ABTB2: variants seen among roughly 807,000 people sequenced by gnomAD.
ABTB2 encodes ankyrin repeat and BTB domain containing 2.
In ABTB2, 56 loss-of-function variants were observed where a neutral mutation model predicts 104.1. That is an observed-to-expected ratio of 0.54 (90% CI 0.43 to 0.67). The LOEUF (loss-of-function observed/expected upper bound fraction) is 0.67, where lower values mean the gene tolerates loss of function less well. Among genes scored for constraint, ABTB2 ranks in the 30% least tolerant of loss-of-function variants. The probability of loss-of-function intolerance (pLI) is 0.00; values close to 1 mark genes in which losing one functional copy is unlikely to be tolerated. For synonymous variants in ABTB2, 606 were observed against 608.2 expected, an observed-to-expected ratio of 1.00 and a Z score of 0.05; for missense variants, 1,279 against 1,407.7, an observed-to-expected ratio of 0.91 and a Z score of 1.46.
chr11:34,238,850 T>C (rs781592804), intron 1 of ABTB2, among the ~76,000 whole-genome samples: 18 of 151,936 alleles, frequency 1.2e-4, no homozygotes, highest in Non-Finnish European at 2.5e-4. Flanking sequence ...GCCTCCCGGG[T>C]TCATGCCATT....
At chr11:34,289,368 A>G (rs185211317) in intron 1 of ABTB2, among the ~76,000 whole-genome samples, 8 of 152,364 alleles carry the variant, frequency 5.3e-5, no homozygotes, top group Non-Finnish European at 2.9e-5. Context: ...CCCAACAGCC[A>G]TGGTTAATGC....
chr11:34,335,795 T>C lies in ABTB2; in HGVS notation c.883+20906A>G, dbSNP rs745625542. ...CCTATGATCCCAGGAAGCTTGAACC[T>C]CTGATCTTGAGGTCCAAACGGTCCC... On this transcript the variant is annotated intron_variant, in intron 1 of 16. Coordinates refer to ENST00000435224, the MANE Select transcript of ABTB2 (RefSeq NM_145804.3). 30 of 1,362,654 alleles carry C rather than the reference T, an allele frequency of 2.2e-5. No individual in the cohort carries two copies. In the Admixed American group the frequency reaches 4.4e-4, roughly 20 times the overall value. The allele number at this position is 1,362,654 out of a possible 1,614,324, so 84.4% of individuals were successfully genotyped here.
intron 1 of ABTB2, among the ~76,000 whole-genome samples, chr11:34,265,661 G>GAAAAA (rs1233763258): frequency 2.7e-4 from 7 of 25,674 alleles, no homozygotes; most frequent in African/African-American, 8.5e-4. Context: ...TCTGTCTCAA[G>GAAAAA]AAAAAAAAAA....
At chr11:34,274,937 G>A (rs1854366396) in intron 1 of ABTB2, among the ~76,000 whole-genome samples, 1 of 152,184 alleles carries the variant, frequency 6.6e-6, no homozygotes, top group Non-Finnish European at 1.5e-5. Context: ...CGTCAGTGGA[G>A]AGAACCGGAC....
At position 34,253,449 on chromosome 11, in the gene ABTB2, G is replaced by A. The variant is rs1011403924; in HGVS notation, c.884-48759C>T. Among the ~76,000 whole-genome samples the A allele has an allele frequency of 2.0e-4, 31 of 152,034 alleles. No homozygotes were observed. In the South Asian group the frequency reaches 3.5e-3, roughly 17 times the overall value. ...TCCCAGCACTTTGGGAGGCCAAAGC[G>A]GGCAGATCACAAGATCAGGAGTTCA... On this transcript the variant is annotated intron_variant, in intron 1 of 16. Coordinates refer to ENST00000435224, the MANE Select transcript of ABTB2 (RefSeq NM_145804.3).
chr11:34,310,580 G>T (rs117297231), intron 1 of ABTB2, among the ~76,000 whole-genome samples: 5 of 151,942 alleles, frequency 3.3e-5, no homozygotes, highest in African/African-American at 1.2e-4. Context: ...ATCAACCTCC[G>T]CTGCATCCCT....
chr11:34,211,657 G>A (rs1177636942), intron 1 of ABTB2, among the ~76,000 whole-genome samples: 1 of 152,028 alleles, frequency 6.6e-6, no homozygotes, highest in Non-Finnish European at 1.5e-5. Flanking sequence ...ACTTTGGGAG[G>A]CCAAGGCAGG....
At chr11:34,275,079 G>A (rs1310670621) in intron 1 of ABTB2, among the ~76,000 whole-genome samples, 1 of 152,142 alleles carries the variant, frequency 6.6e-6, no homozygotes, top group Non-Finnish European at 1.5e-5. Context: ...TCAGCTCCCT[G>A]CATCTTGACT....
At chr11:34,295,982 C>T (rs985861041) in intron 1 of ABTB2, among the ~76,000 whole-genome samples, 19 of 152,116 alleles carry the variant, frequency 1.2e-4, no homozygotes, top group African/African-American at 4.3e-4. Context: ...AAAGTGAATT[C>T]ATAGTTGGGC....
At chr11:34,184,055 T>G (rs1165010263) in intron 3 of ABTB2, among the ~76,000 whole-genome samples, 2 of 143,176 alleles carry the variant, frequency 1.4e-5, no homozygotes, top group Admixed American at 1.4e-4. Context: ...CCTGGCTAAT[T>G]TTTAAAAAGT....
In ABTB2 at chr11:34,301,311, T is replaced by A. The variant is rs181585142; in HGVS notation, c.883+55390A>T. 3.8e-3 allele frequency among the ~76,000 whole-genome samples: 582 copies of A among 151,866 alleles called. 14 individuals carry two copies. The highest frequency in any genetic ancestry group is 2.0e-3 in the Non-Finnish European group (133 of 67,912). On this transcript the variant is annotated intron_variant, in intron 1 of 16. Transcript: ENST00000435224. ...ACATCATCTTGCCATTAAATGAATT[T>A]AAAAAAAAATTGTGTTTTCAGGTCC...
rs554590216 is a variant in ABTB2 at position 34,188,251 on chromosome 11, C to A, written c.1244+9074G>T. The stretch of plus-strand genomic sequence containing the variant: ...GAACCCAACCATTAGGTTCTACCAC[C>A]TATTTCATTAACTTAGCAAAATATT... On this transcript the variant is annotated intron_variant, in intron 3 of 16. Coordinates refer to ENST00000435224, the MANE Select transcript of ABTB2 (RefSeq NM_145804.3). 1.9e-4 allele frequency among the ~76,000 whole-genome samples: 29 copies of A among 152,318 alleles called. No homozygotes were observed. In the South Asian group the frequency reaches 6.0e-3, roughly 32 times the overall value.
chr11:34,357,545 C>T lies in ABTB2; in HGVS notation c.39G>A (p.Glu13=). 1 of 1,533,756 alleles carries T rather than the reference C, an allele frequency of 6.5e-7. No homozygotes were observed. The highest frequency in any genetic ancestry group is 8.7e-7 in the Non-Finnish European group (1 of 1,143,948). ...CATACCCGGAGTCCAAGGTCAAGTC[C>T]TCCAGCGTCTTCAGAGTCGAGCTGT... is the stretch of plus-strand genomic sequence containing the variant. ...GTYSSTLKTL[E]DLTLDSGYGA... Residue 13 remains glutamate (E), a synonymous_variant, in exon 1 of 17, where the codon GAG becomes GAA. Coordinates refer to ENST00000435224, the MANE Select transcript of ABTB2 (RefSeq NM_145804.3).
chr11:34,161,909 A>G (rs947099932), intron 10 of ABTB2, among the ~76,000 whole-genome samples: 1 of 152,064 alleles, frequency 6.6e-6, no homozygotes, highest in Non-Finnish European at 1.5e-5. Context: ...ACTGAGGCTG[A>G]CTCACTGCTG....
At chr11:34,292,831 A>G (rs1346430151) in intron 1 of ABTB2, among the ~76,000 whole-genome samples, 1 of 152,206 alleles carries the variant, frequency 6.6e-6, no homozygotes, top group Non-Finnish European at 1.5e-5. Flanking sequence ...TGAAGGTAAC[A>G]GCAGGTACAA....
At chr11:34,235,083 G>C (rs1428259933) in intron 1 of ABTB2, among the ~76,000 whole-genome samples, 1 of 151,982 alleles carries the variant, frequency 6.6e-6, no homozygotes, top group African/African-American at 2.4e-5. Flanking sequence ...GGATGGTCTC[G>C]ATCTCCTGAC....
At position 34,249,266 on chromosome 11, in the gene ABTB2, C is replaced by T. The variant is rs1854024767; in HGVS notation, c.884-44576G>A. Among the ~76,000 whole-genome samples, 7 of 152,192 alleles carry T rather than the reference C, an allele frequency of 4.6e-5. No individual in the cohort carries two copies. The South Asian group carries it at 1.4e-3, about 32-fold the overall frequency. The stretch of plus-strand genomic sequence containing the variant: ...CTGAATCAATGACTGAAGCTCATGC[C>T]TTTAAGGACAAGCTTCAGAATCTGG... On this transcript the variant is annotated intron_variant, in intron 1 of 16. Coordinates refer to ENST00000435224, the MANE Select transcript of ABTB2 (RefSeq NM_145804.3).
At chr11:34,303,792 G>A (rs1292049018) in intron 1 of ABTB2, among the ~76,000 whole-genome samples, 2 of 151,898 alleles carry the variant, frequency 1.3e-5, no homozygotes, top group Non-Finnish European at 2.9e-5. Context: ...ACAGATGTGT[G>A]CCTCCTCGCC....
At chr11:34,290,254 C>T (rs937999680) in intron 1 of ABTB2, among the ~76,000 whole-genome samples, 1 of 152,154 alleles carries the variant, frequency 6.6e-6, no homozygotes, top group Non-Finnish European at 1.5e-5. Context: ...TTGCACGATC[C>T]CATGAATAAT....
Sources: allele counts gnomAD v4.1 joint callset (sites outside exome capture counted in the v4.1 genomes callset), GRCh38; gene constraint gnomAD v4.1.1; transcripts MANE v1.5; gene names NCBI Gene and HGNC (gene_info 2026-07-23, HGNC 2026-07-21).